TENM1: variants seen among roughly 807,000 people sequenced by gnomAD.
The protein encoded by TENM1 is teneurin transmembrane protein 1.
Under a neutral mutation model 174.8 loss-of-function variants are expected in TENM1, and 35 were observed. That is an observed-to-expected ratio of 0.20 (90% confidence interval 0.15 to 0.27). The LOEUF (loss-of-function observed/expected upper bound fraction) is 0.27. Ranked by LOEUF, TENM1 falls within the 10% of genes least tolerant of loss-of-function variation. The pLI is 1.00. For synonymous variants in TENM1, 781 were observed against 798.7 expected, an observed-to-expected ratio of 0.98 and a Z score of 0.37; for missense variants, 1,633 against 2,130.1, an observed-to-expected ratio of 0.77 and a Z score of 4.59.
At chrX:125,178,951 A>G in the TENM1 span, among the ~76,000 whole-genome samples, 1 of 108,956 alleles carries the variant, frequency 9.2e-6, no homozygotes. Context: ...AGCCTGGGTG[A>G]AAGCGTGAGA....
chrX:124,755,623 G>A (rs1315676503), intron 3 of TENM1, among the ~76,000 whole-genome samples: 1 of 110,601 alleles, frequency 9.0e-6, no homozygotes, highest in African/African-American at 3.3e-5. Context: ...GCAGTGGCTG[G>A]TACTGGTTGT....
rs113503616 is a variant in TENM1, at chrX:124,611,817, C to T, written c.2077+29974G>A. ...TAGGTGCACATAATGCTACCCATAACGAATGCTAAGTCTCAAGTGCACAGC... is the reference window on the plus strand; with the variant it reads ...TAGGTGCACATAATGCTACCCATAATGAATGCTAAGTCTCAAGTGCACAGC... On this transcript the variant is annotated intron_variant, in intron 11 of 31. Transcript: ENST00000422452. Among the ~76,000 whole-genome samples the T allele has an allele frequency of 3.1e-3, 346 of 111,621 alleles. 2 individuals are homozygous for T. Among genetic ancestry groups the T allele is most frequent in the African/African-American group, 0.011 (325 of 30,809 alleles).
intron 11 of TENM1, among the ~76,000 whole-genome samples, chrX:124,606,841 C>T (rs1057340900): frequency 1.8e-5 from 2 of 111,437 alleles, no homozygotes. Context: ...CATATATTCT[C>T]ACAGAGTTCA....
chrX:124,560,591 T>C (rs1386555700), intron 14 of TENM1, among the ~76,000 whole-genome samples: 1 of 110,864 alleles, frequency 9.0e-6, no homozygotes. Flanking sequence ...CACTTAATTT[T>C]GATAAGGTCT....
At chrX:125,191,305 T>G in the TENM1 span, among the ~76,000 whole-genome samples, 1 of 112,027 alleles carries the variant, frequency 8.9e-6, no homozygotes, top group Non-Finnish European at 1.9e-5. Flanking sequence ...ATTAATCACC[T>G]ACTATGTATC....
At chrX:124,820,196 C>T (rs2056006435) in intron 3 of TENM1, among the ~76,000 whole-genome samples, 1 of 111,427 alleles carries the variant, frequency 9.0e-6, no homozygotes, top group African/African-American at 3.3e-5. Context: ...CAATTCTTCC[C>T]GGTCTCAGAC....
At chrX:124,477,528 C>T (rs946503228) in intron 22 of TENM1, among the ~76,000 whole-genome samples, 3 of 110,887 alleles carry the variant, frequency 2.7e-5, no homozygotes, top group Admixed American at 9.6e-5. Context: ...CCGAGGTGGG[C>T]GGATCACGAG....
intron 3 of TENM1, among the ~76,000 whole-genome samples, chrX:124,875,671 C>T (rs113694912): frequency 0.036 from 3,949 of 108,649 alleles, 180 homozygotes; most frequent in African/African-American, 0.13. Flanking sequence ...AGCTCAGGAG[C>T]TCACCAGCCT....
chrX:124,737,640 G>A (rs2053705729), intron 3 of TENM1, among the ~76,000 whole-genome samples: 1 of 111,654 alleles, frequency 9.0e-6, no homozygotes. Flanking sequence ...AAAAATATAA[G>A]GCCACCTTCT....
chrX:124,837,079 T>G (rs987058892), intron 3 of TENM1, among the ~76,000 whole-genome samples: 1 of 112,362 alleles, frequency 8.9e-6, no homozygotes, highest in African/African-American at 3.2e-5. Context: ...CATACAGATC[T>G]TATTTTCTCT....
At chrX:125,171,456 G>C in the TENM1 span, among the ~76,000 whole-genome samples, 1 of 110,564 alleles carries the variant, frequency 9.0e-6, no homozygotes, top group African/African-American at 3.3e-5. Context: ...TGTGTCCCCT[G>C]CCCCCACTCT....
intron 22 of TENM1, among the ~76,000 whole-genome samples, chrX:124,460,241 G>A (rs1050168472): frequency 5.4e-5 from 6 of 111,310 alleles, no homozygotes; most frequent in Non-Finnish European, 1.1e-4. Context: ...TATACTCAAA[G>A]GAATATAAAT....
chrX:124,509,092 A>C (rs370113997), intron 18 of TENM1, among the ~76,000 whole-genome samples: 9 of 90,333 alleles, frequency 1.0e-4, no homozygotes, highest in East Asian at 3.4e-4. Context: ...CACACACACA[A>C]ACACACACAC....
At chrX:124,631,816 C>T (rs1482521925) in intron 11 of TENM1, among the ~76,000 whole-genome samples, 2 of 99,237 alleles carry the variant, frequency 2.0e-5, no homozygotes, top group African/African-American at 7.6e-5. Flanking sequence ...AGGAGAATCA[C>T]GGGCGAAGGT....
At chrX:124,427,915 A>G (rs1218005903) in intron 23 of TENM1, among the ~76,000 whole-genome samples, 1 of 106,049 alleles carries the variant, frequency 9.4e-6, no homozygotes, top group African/African-American at 3.4e-5. Context: ...CATTTGTCCA[A>G]ATGATTTCTT....
the TENM1 span, among the ~76,000 whole-genome samples, chrX:124,998,403 A>G: frequency 9.1e-6 from 1 of 110,002 alleles, no homozygotes; most frequent in Non-Finnish European, 1.9e-5. Flanking sequence ...TGGTCACCTG[A>G]ATATAAGAAG....
chrX:124,889,076 G>A (rs1333697539), intron 3 of TENM1, among the ~76,000 whole-genome samples: 1 of 111,939 alleles, frequency 8.9e-6, no homozygotes, highest in Admixed American at 9.5e-5. Flanking sequence ...TGCTCTCAGA[G>A]CAAGCTACCG....
At chrX:124,753,941 T>C (rs1373194216) in intron 3 of TENM1, among the ~76,000 whole-genome samples, 1 of 111,877 alleles carries the variant, frequency 8.9e-6, no homozygotes, top group African/African-American at 3.3e-5. Context: ...GATATTGGTC[T>C]AAAATTCTCT....
intron 11 of TENM1, among the ~76,000 whole-genome samples, chrX:124,632,024 T>C (rs1271866966): frequency 1.9e-5 from 2 of 103,076 alleles, no homozygotes; most frequent in African/African-American, 7.1e-5. Context: ...GCAATTCTCC[T>C]GCCTCAGCTT....
Sources: gnomAD v4.1 joint callset for allele counts (sites outside exome capture counted in the v4.1 genomes callset) on GRCh38, gnomAD v4.1.1 for gene constraint, MANE v1.5 for transcripts, NCBI Gene and HGNC (gene_info 2026-07-23, HGNC 2026-07-21) for gene names.